Variants in DORIP1 observed in about 807,000 individuals in gnomAD.
DORIP1 encodes dopamine receptor-interacting protein 1.
chr14:44,905,534 G>T, the DORIP1 span: 1 of 1,510,984 alleles, frequency 6.6e-7, no homozygotes, highest in Non-Finnish European at 9.0e-7. Flanking sequence ...GTTTATATTC[G>T]AGCAACAGAG....
At chr14:44,897,404 G>A in the DORIP1 span, 1 of 166,722 alleles carries the variant, frequency 6.0e-6, no homozygotes, top group African/African-American at 2.4e-5. Flanking sequence ...TGCCATGGAG[G>A]CCATGCCAGA....
At chr14:44,900,307 T>C in the DORIP1 span, 2 of 829,128 alleles carry the variant, frequency 2.4e-6, no homozygotes, top group Non-Finnish European at 3.4e-6. Flanking sequence ...TTTTTTGCTA[T>C]GTTGGGAGGC....
chr14:44,904,217 C>A, the DORIP1 span: 2 of 985,186 alleles, frequency 2.0e-6, no homozygotes, highest in African/African-American at 3.5e-5. Context: ...AGCTTATAAA[C>A]TTCTGGAACT....
chr14:44,906,529 G>A, the DORIP1 span: 6 of 152,498 alleles, frequency 3.9e-5, no homozygotes, highest in South Asian at 6.2e-4. Flanking sequence ...GATAGCATGC[G>A]GCTTTGACTT....
the DORIP1 span, among the ~76,000 whole-genome samples, chr14:44,902,040 C>T: frequency 6.6e-6 from 1 of 152,152 alleles, no homozygotes; most frequent in African/African-American, 2.4e-5. Flanking sequence ...AGAAAAACAG[C>T]CTGATAGATC....
chr14:44,898,964 A>G, the DORIP1 span: 1 of 152,212 alleles, frequency 6.6e-6, no homozygotes, highest in Non-Finnish European at 1.5e-5. Context: ...GGGAGGATGC[A>G]GCACTTGGAA....
At chr14:44,903,335 G>T in the DORIP1 span, 1 of 1,569,668 alleles carries the variant, frequency 6.4e-7, no homozygotes, top group Non-Finnish European at 8.7e-7. Context: ...CAGTATGTAT[G>T]TGTTTATAAG....
chr14:44,900,581 T>G, the DORIP1 span: 12 of 1,611,362 alleles, frequency 7.4e-6, no homozygotes, highest in Non-Finnish European at 9.3e-6. Flanking sequence ...CCACTCTATG[T>G]TGAAATAAGA....
At chr14:44,903,910 G>A in the DORIP1 span, 1 of 980,688 alleles carries the variant, frequency 1.0e-6, no homozygotes. Context: ...TGTACCCTGA[G>A]CATTCCGGTT....
chr14:44,899,193 C>G, the DORIP1 span: 16 of 152,154 alleles, frequency 1.1e-4, no homozygotes, highest in Non-Finnish European at 1.8e-4. Flanking sequence ...CGCTATATAA[C>G]ATACATATAA....
At chr14:44,899,823 A>ATT in the DORIP1 span, among the ~76,000 whole-genome samples, 932 of 134,424 alleles carry the variant, frequency 6.9e-3, 29 homozygotes, top group Middle Eastern at 0.011. Flanking sequence ...TTCATTTAGG[A>ATT]ATTTTTTTTT....
chr14:44,904,993 G>A, the DORIP1 span: 1 of 174,506 alleles, frequency 5.7e-6, no homozygotes. Flanking sequence ...TCAAGTCAGA[G>A]AAGTTCGTAG....
At chr14:44,901,986 AC>A in the DORIP1 span, among the ~76,000 whole-genome samples, 1 of 152,174 alleles carries the variant, frequency 6.6e-6, no homozygotes, top group East Asian at 1.9e-4. Context: ...AGAAAAACAG[AC>A]CCAAATGCAT....
the DORIP1 span, among the ~76,000 whole-genome samples, chr14:44,900,248 G>A: frequency 7.9e-5 from 12 of 152,192 alleles, no homozygotes; most frequent in Non-Finnish European, 1.3e-4. Flanking sequence ...CTTCTTAAAT[G>A]GTCTTTCCAG....
the DORIP1 span, among the ~76,000 whole-genome samples, chr14:44,903,030 T>G: frequency 6.6e-6 from 1 of 152,206 alleles, no homozygotes; most frequent in Non-Finnish European, 1.5e-5. Context: ...ATTTCATAAT[T>G]AGTGTTTGAG....
chr14:44,901,806 A>G, the DORIP1 span, among the ~76,000 whole-genome samples: 1 of 152,196 alleles, frequency 6.6e-6, no homozygotes, highest in Non-Finnish European at 1.5e-5. Flanking sequence ...TATTTTGACT[A>G]GGAAAGGTGC....
the DORIP1 span, chr14:44,904,806 T>A: frequency 3.7e-6 from 1 of 268,546 alleles, no homozygotes; most frequent in South Asian, 1.1e-4. Context: ...TTAACCAGTT[T>A]ACATGTCAGT....
the DORIP1 span, chr14:44,906,021 C>G: frequency 6.7e-6 from 1 of 148,674 alleles, no homozygotes; most frequent in Non-Finnish European, 1.5e-5. Flanking sequence ...ACTATTTGAT[C>G]TAGTATGGAT....
the DORIP1 span, chr14:44,900,934 G>T: frequency 1.3e-6 from 2 of 1,594,486 alleles, no homozygotes; most frequent in African/African-American, 1.4e-5. Flanking sequence ...AGTGCAGGAG[G>T]ATCAGCAGCG....
Sources: allele counts gnomAD v4.1 joint callset (sites outside exome capture counted in the v4.1 genomes callset), GRCh38; gene constraint gnomAD v4.1.1; transcripts MANE v1.5; gene names NCBI Gene and HGNC (gene_info 2026-07-23, HGNC 2026-07-21).